The following MOCS1 variants were observed in gnomAD, a reference collection of about 807,000 sequenced individuals.
MOCS1 encodes molybdenum cofactor synthesis 1.
A neutral mutation model predicts 57.6 loss-of-function variants in MOCS1; 39 were observed. The observed-to-expected ratio is 0.68, with a 90% confidence interval of 0.52 to 0.88. The LOEUF (loss-of-function observed/expected upper bound fraction) is 0.88, where lower values mean the gene tolerates loss of function less well. MOCS1 is among the 40% of genes least tolerant of loss of function. The pLI is 0.00. For synonymous variants in MOCS1, 334 were observed against 335.7 expected, an observed-to-expected ratio of 1.00 and a Z score of 0.05; for missense variants, 795 against 831.1, an observed-to-expected ratio of 0.96 and a Z score of 0.53.
chr6:39,905,673 A>C lies in MOCS1; in HGVS notation c.*684T>G. ...GGTGTGGGCTGTGTGGTCTGGCAGG[A>C]GTCCTTAGGGCTATGGCCCATGTGT... is the stretch of plus-strand genomic sequence containing the variant. On this transcript the variant is annotated 3_prime_UTR_variant, in exon 11 of 11. Coordinates refer to ENST00000340692, the MANE Select transcript of MOCS1 (RefSeq NM_001358530.2). The C allele has an allele frequency of 4.2e-6, 2 of 471,198 alleles. No individual in the cohort carries two copies. The highest frequency in any genetic ancestry group is 8.8e-6 in the Non-Finnish European group (2 of 227,058). 29.2% of individuals were successfully genotyped at this position (471,198 alleles called of 1,614,324 possible).
chr6:39,907,133 A>G lies in MOCS1; in HGVS notation c.1151-16T>C. ...AAAAATAACTCTGCAAGGCAAGAAG[A>G]AAAGAGAAGAAACACTAAGTCCAAA... On this transcript the variant is annotated splice_polypyrimidine_tract_variant and intron_variant, in intron 10 of 10. Transcript: ENST00000340692. 6.3e-7 allele frequency: 1 copy of G among 1,599,744 alleles called. No homozygotes were observed. The highest frequency in any genetic ancestry group is 8.5e-7 in the Non-Finnish European group (1 of 1,174,936).
At position 39,905,779 on chromosome 6, in the gene MOCS1, G is replaced by A. The variant is rs147395035; in HGVS notation, c.*578C>T. 0.01 allele frequency: 4,756 copies of A among 471,220 alleles called. 46 individuals are homozygous for A. Among genetic ancestry groups the A allele is most frequent in the South Asian group, 0.018 (1,185 of 64,570 alleles). The allele number at this position is 471,220 out of a possible 1,614,324, so 29.2% of individuals were successfully genotyped here. A position where few individuals can be genotyped will look rare whatever the true frequency, so the allele number is the denominator to read the frequency against. On this transcript the variant is annotated 3_prime_UTR_variant, in exon 11 of 11. Coordinates refer to ENST00000340692, the MANE Select transcript of MOCS1 (RefSeq NM_001358530.2). ...CAACTGTTAAGCTGAAAGGCTGCAA[G>A]TCTGATGGGACACAGACTTGGGCAG...
intron 1 of MOCS1, chr6:39,927,690 G>A: frequency 6.5e-7 from 1 of 1,541,348 alleles, no homozygotes; most frequent in Non-Finnish European, 8.7e-7. Context: ...GGGGCGGATG[G>A]TGATCTCTAC....
chr6:39,924,542 T>C (rs1399275753), intron 3 of MOCS1, among the ~76,000 whole-genome samples: 1 of 152,020 alleles, frequency 6.6e-6, no homozygotes, highest in African/African-American at 2.4e-5. Flanking sequence ...AGGGCAGGGG[T>C]TGCCACACTT....
rs1766648792 is a variant in MOCS1 at position 39,904,172 on chromosome 6, C to G, written c.*2185G>C. The G allele has an allele frequency of 4.4e-6, 2 of 456,508 alleles. No individual in the cohort carries two copies. The highest frequency in any genetic ancestry group is 3.1e-5 in the South Asian group (2 of 64,540). 28.3% of individuals were successfully genotyped at this position (456,508 alleles called of 1,614,324 possible). A position where few individuals can be genotyped will look rare whatever the true frequency, so the allele number is the denominator to read the frequency against. Reference sequence around the variant, plus strand: ...AAACAAAAGGACTATGGAAGCTGTTCAAGATACATTTGATCTTCAGAAAAG... The same window carrying G: ...AAACAAAAGGACTATGGAAGCTGTTGAAGATACATTTGATCTTCAGAAAAG... On this transcript the variant is annotated 3_prime_UTR_variant, in exon 11 of 11. Coordinates refer to ENST00000340692, the MANE Select transcript of MOCS1 (RefSeq NM_001358530.2).
rs1437915346 is a variant in MOCS1 at position 39,905,817 on chromosome 6, AGTCAG to A, written c.*535_*539del. 1 of 469,164 alleles carries A rather than the reference AGTCAG, an allele frequency of 2.1e-6. No individual in the cohort carries two copies. 29.1% of individuals were successfully genotyped at this position (469,164 alleles called of 1,614,324 possible). On this transcript the variant is annotated 3_prime_UTR_variant, in exon 11 of 11. Transcript: ENST00000340692. Reference sequence around the variant, plus strand: ...CAGACTTGGGCAGAAGGAGAGATGAAGTCAGGACAGGACAGGACAGGGCAGGGCTG... The same window carrying A: ...CAGACTTGGGCAGAAGGAGAGATGAAGACAGGACAGGACAGGGCAGGGCTG...
At position 39,934,370 on chromosome 6, in the gene MOCS1, G is replaced by T. The variant is rs1477628380; in HGVS notation, c.48C>A (p.Ser16=). 6.4e-7 allele frequency: 1 copy of T among 1,558,622 alleles called. No individual in the cohort carries two copies. The highest frequency in any genetic ancestry group is 1.9e-5 in the Admixed American group (1 of 53,178). ...LSRMLRRLLR[S]SARSCSSGAP... The stretch of plus-strand genomic sequence containing the variant: ...CCCCTGAGCTGCAGCTCCGGGCGCT[G>T]GACCTCAGAAGCCGCCGCAGCATCC... The change falls in exon 1 of 11, where the codon TCC becomes TCA. Residue 16 remains serine, a synonymous_variant. Coordinates refer to ENST00000340692, the MANE Select transcript of MOCS1 (RefSeq NM_001358530.2).
chr6:39,926,060 A>G (rs1768277386), intron 2 of MOCS1, among the ~76,000 whole-genome samples: 1 of 152,190 alleles, frequency 6.6e-6, no homozygotes, highest in South Asian at 2.1e-4. Flanking sequence ...ACCTTTCCCT[A>G]TGCCCAACAC....
At position 39,905,519 on chromosome 6, in the gene MOCS1, C is replaced by A; in HGVS notation, c.*838G>T. The A allele has an allele frequency of 2.1e-6, 1 of 471,192 alleles. No individual in the cohort carries two copies. The highest frequency in any genetic ancestry group is 1.5e-5 in the South Asian group (1 of 64,564). The allele number at this position is 471,192 out of a possible 1,614,324, so 29.2% of individuals were successfully genotyped here. ...TACCCACACAGTGTCTTCATTCTTGCATCTGCAAAGTTGGCATCGTAGCTT... is the reference window on the plus strand; with the variant it reads ...TACCCACACAGTGTCTTCATTCTTGAATCTGCAAAGTTGGCATCGTAGCTT... On this transcript the variant is annotated 3_prime_UTR_variant, in exon 11 of 11. Coordinates refer to ENST00000340692, the MANE Select transcript of MOCS1 (RefSeq NM_001358530.2).
intron 6 of MOCS1, 87 bp from the exon 7 acceptor site, chr6:39,913,091 GC>G: frequency 9.3e-7 from 1 of 1,070,774 alleles, no homozygotes; most frequent in South Asian, 1.2e-5. Flanking sequence ...CCCTGCCACA[GC>G]ATAGCAATCA....
chr6:39,930,739 C>G (rs908227648), intron 1 of MOCS1, among the ~76,000 whole-genome samples: 1 of 152,158 alleles, frequency 6.6e-6, no homozygotes, highest in Non-Finnish European at 1.5e-5. Context: ...GGCCTAGTGA[C>G]ACCAAGTGCC....
intron 3 of MOCS1, among the ~76,000 whole-genome samples, chr6:39,921,496 A>G (rs9471207): frequency 0.52 from 78,925 of 152,100 alleles, 20,749 homozygotes; most frequent in Middle Eastern, 0.57. Flanking sequence ...AGCAAGTCAT[A>G]CATGGATCAA....
At chr6:39,907,370 G>A (rs1767027662) in intron 10 of MOCS1, among the ~76,000 whole-genome samples, 1 of 151,806 alleles carries the variant, frequency 6.6e-6, no homozygotes, top group Non-Finnish European at 1.5e-5. Flanking sequence ...AAACTGCTGT[G>A]CCACCGTGGC....
In MOCS1 at chr6:39,904,717, G is replaced by A. The variant is rs1766722283; in HGVS notation, c.*1640C>T. On this transcript the variant is annotated 3_prime_UTR_variant, in exon 11 of 11. Transcript: ENST00000340692. ...ATCTATCTCCCCCGACTTCTACCAGGGATGCCTTCACGCCAAGGCTGTTCT... is the reference window on the plus strand; with the variant it reads ...ATCTATCTCCCCCGACTTCTACCAGAGATGCCTTCACGCCAAGGCTGTTCT... The A allele has an allele frequency of 4.4e-6, 2 of 453,960 alleles. No individual in the cohort carries two copies. The highest frequency in any genetic ancestry group is 8.8e-6 in the Non-Finnish European group (2 of 226,796). The allele number at this position is 453,960 out of a possible 1,614,324, so 28.1% of individuals were successfully genotyped here. A position where few individuals can be genotyped will look rare whatever the true frequency, so the allele number is the denominator to read the frequency against.
chr6:39,925,719 C>A lies in MOCS1; in HGVS notation c.377G>T (p.Gly126Val), dbSNP rs372246702. 6.2e-7 allele frequency: 1 copy of A among 1,612,714 alleles called. No individual in the cohort carries two copies. Among genetic ancestry groups the A allele is most frequent in the East Asian group, 2.2e-5 (1 of 44,884 alleles). The change falls in exon 3 of 11, where the codon GGT becomes GTT. Residue 126 changes from glycine to valine, a missense_variant. By Grantham distance (109) the Gly-to-Val change is moderately radical (BLOSUM62 -3). Transcript: ENST00000340692. ...KEGIDKIRLTGGEPLIRPDVV... is the reference protein window; with the variant it reads ...KEGIDKIRLTVGEPLIRPDVV... The stretch of plus-strand genomic sequence containing the variant: ...GTCCGGCCGGATAAGCGGCTCTCCA[C>A]CTGTGAGCCGGATCTTGTCGATGCC...
At chr6:39,915,939 G>A (rs1468856905) in intron 4 of MOCS1, 129 bp downstream of exon 4, 5 of 1,098,776 alleles carry the variant, frequency 4.6e-6, no homozygotes, top group African/African-American at 3.1e-5. Flanking sequence ...TGAGAAATAA[G>A]TGCTTTGACT....
At chr6:39,913,890 C>T in intron 4 of MOCS1, 55 bp from the exon 5 acceptor site, 2 of 1,555,808 alleles carry the variant, frequency 1.3e-6, no homozygotes, top group South Asian at 2.2e-5. Flanking sequence ...TCTTCCCCCA[C>T]ACCCCCACAG....
chr6:39,906,124 C>A lies in MOCS1; in HGVS notation c.*233G>T. The stretch of plus-strand genomic sequence containing the variant: ...GTCCCGCTCCCACGACCTTAGTGTC[C>A]TGGAAGGCTTAAGGGCCTGCTGGTA... On this transcript the variant is annotated 3_prime_UTR_variant, in exon 11 of 11. Transcript: ENST00000340692. 1 of 682,662 alleles carries A rather than the reference C, an allele frequency of 1.5e-6. No individual in the cohort carries two copies. The highest frequency in any genetic ancestry group is 1.5e-5 in the South Asian group (1 of 66,872). 42.3% of individuals were successfully genotyped at this position (682,662 alleles called of 1,614,324 possible).
chr6:39,933,446 A>G (rs573686793), intron 1 of MOCS1, among the ~76,000 whole-genome samples: 23 of 152,184 alleles, frequency 1.5e-4, no homozygotes, highest in African/African-American at 5.3e-4. Context: ...ATTGAGCAAT[A>G]TAGGGGAGGA....
Sources: allele counts gnomAD v4.1 joint callset (sites outside exome capture counted in the v4.1 genomes callset), GRCh38; gene constraint gnomAD v4.1.1; transcripts MANE v1.5; gene names NCBI Gene and HGNC (gene_info 2026-07-23, HGNC 2026-07-21).